NOP56: variants seen among roughly 807,000 people sequenced by gnomAD.
NOP56 encodes the protein nucleolar protein 56.
Under a neutral mutation model 58.3 loss-of-function variants are expected in NOP56, and 31 were observed. The observed-to-expected ratio is 0.53, with a 90% confidence interval of 0.40 to 0.72. The LOEUF (loss-of-function observed/expected upper bound fraction) is 0.72, where lower values mean the gene tolerates loss of function less well. NOP56 is among the 30% of genes least tolerant of loss of function. The pLI, the probability that NOP56 is intolerant of heterozygous loss-of-function variation, is 0.00. For synonymous variants in NOP56, 313 were observed against 282.8 expected (o/e 1.11, Z -1.07); for missense variants, 669 against 739.9 (o/e 0.90, Z 1.11).
At position 2,658,130 on chromosome 20, in the gene NOP56, G is replaced by A; in HGVS notation, c.1621G>A (p.Glu541Lys). The change falls in exon 12 of 12, where the codon GAG becomes AAG. Residue 541 changes from glutamate (E) to lysine (K), a missense_variant. Physicochemically the swap from Glu to Lys is moderately conservative, Grantham distance 56 (BLOSUM62 1). Coordinates refer to ENST00000329276, the MANE Select transcript of NOP56 (RefSeq NM_006392.4). Reference sequence around the variant, plus strand: ...CAAGAGGAAGAAGTCTACACCCAAGGAGGAAACAGTTAATGACCCTGAGGA... The same window carrying A: ...CAAGAGGAAGAAGTCTACACCCAAGAAGGAAACAGTTAATGACCCTGAGGA... ...IPKRKKSTPK[E>K]ETVNDPEEAG... is the part of the protein sequence containing the mutation. 6.2e-7 allele frequency: 1 copy of A among 1,614,088 alleles called. No homozygotes were observed. The highest frequency in any genetic ancestry group is 1.6e-4 in the Middle Eastern group (1 of 6,062).
Position 2,653,271 on chromosome 20 carries a change from C to A in NOP56, c.94-8C>A, listed in dbSNP as rs752982973. ...GAAGGAAACCACTTAGCCTCTTTCT[C>A]CCCCCAGGTGGAGGAGTCTGTGCTC... is the stretch of plus-strand genomic sequence containing the variant. On this transcript the variant is annotated splice_polypyrimidine_tract_variant and splice_region_variant and intron_variant, in intron 2 of 11. Transcript: ENST00000329276. 3.1e-6 allele frequency: 5 copies of A among 1,605,944 alleles called. No individual in the cohort carries two copies. The highest frequency in any genetic ancestry group is 4.3e-6 in the Non-Finnish European group (5 of 1,172,592).
At position 2,656,770 on chromosome 20, in the gene NOP56, C is replaced by G; in HGVS notation, c.1160-4C>G. The G allele has an allele frequency of 6.2e-7, 1 of 1,614,092 alleles. No homozygotes were observed. Among genetic ancestry groups the G allele is most frequent in the Non-Finnish European group, 8.5e-7 (1 of 1,180,014 alleles). On this transcript the variant is annotated splice_region_variant and splice_polypyrimidine_tract_variant and intron_variant, in intron 9 of 11. Coordinates refer to ENST00000329276, the MANE Select transcript of NOP56 (RefSeq NM_006392.4). ...GACAGGCTTTGTCACCCACACACATCCAGAGGTGCCCACGAGTGTATTCGG... is the reference window on the plus strand; with the variant it reads ...GACAGGCTTTGTCACCCACACACATGCAGAGGTGCCCACGAGTGTATTCGG...
At position 2,656,567 on chromosome 20, in the gene NOP56, T is replaced by C. The variant is rs770401052; in HGVS notation, c.1159+18T>C. The C allele has an allele frequency of 9.9e-6, 16 of 1,613,086 alleles. No individual in the cohort carries two copies. The highest frequency in any genetic ancestry group is 1.3e-5 in the Non-Finnish European group (15 of 1,179,930). ...CTTCTCTGGTATGGGTGGGGGGGCG[T>C]TGGCAGGTGTGAGAAGGGGCTGGGT... is the stretch of plus-strand genomic sequence containing the variant. On this transcript the variant is annotated intron_variant, in intron 9 of 11. Coordinates refer to ENST00000329276, the MANE Select transcript of NOP56 (RefSeq NM_006392.4).
At chr20:2,653,480 T>G in intron 3 of NOP56, 87 bp downstream of exon 3, 1 of 1,066,146 alleles carries the variant, frequency 9.4e-7, no homozygotes, top group Non-Finnish European at 1.5e-6. Flanking sequence ...TTGCCGTCCT[T>G]GGCTGGCTCT....
intron 6 of NOP56, 36 bp downstream of exon 6, chr20:2,655,548 G>A: frequency 6.2e-7 from 1 of 1,614,078 alleles, no homozygotes; most frequent in Non-Finnish European, 8.5e-7. Context: ...ATAAGGTATG[G>A]GGCTCTAAAT....
At position 2,658,195 on chromosome 20, in the gene NOP56, C is replaced by T. The variant is rs1600163305; in HGVS notation, c.1686C>T (p.Phe562=). 3 of 1,608,576 alleles carry T rather than the reference C, an allele frequency of 1.9e-6. No homozygotes were observed. In the East Asian group the frequency reaches 6.7e-5, roughly 36 times the overall value. Residue 562 remains phenylalanine (F), a synonymous_variant, in exon 12 of 12, where the codon TTC becomes TTT. Transcript: ENST00000329276. ...GTGGCTCCAAGAAAAAGAGGAAATT[C>T]TCCAAAGAGGAGCCGGTCAGCAGTG... ...HRSGSKKKRK[F]SKEEPVSSGP... is the part of the protein sequence containing the mutation.
chr20:2,653,878 C>T (rs1225153937), intron 3 of NOP56: 1 of 311,684 alleles, frequency 3.2e-6, no homozygotes, highest in Non-Finnish European at 6.4e-6. Context: ...TAGTCTCCAT[C>T]TCCTGACCTC....
rs73611742 is a variant in NOP56 at position 2,654,273 on chromosome 20, A to G, written c.209-141A>G. 679 of 874,202 alleles carry G rather than the reference A, an allele frequency of 7.8e-4. 4 individuals carry two copies. In the East Asian group the frequency reaches 0.014, roughly 18 times the overall value. 54.2% of individuals were successfully genotyped at this position (874,202 alleles called of 1,614,324 possible). On this transcript the variant is annotated intron_variant, in intron 3 of 11. Coordinates refer to ENST00000329276, the MANE Select transcript of NOP56 (RefSeq NM_006392.4). Reference sequence around the variant, plus strand: ...CCTGAGTGCAATCACTGATGTCTCCATGTCTCTGAGCAATGCCTGATGGGG... The same window carrying G: ...CCTGAGTGCAATCACTGATGTCTCCGTGTCTCTGAGCAATGCCTGATGGGG...
chr20:2,656,335 C>T, intron 8 of NOP56, 66 bp from the exon 9 acceptor site: 6 of 1,608,308 alleles, frequency 3.7e-6, no homozygotes, highest in Non-Finnish European at 5.1e-6. Context: ...AGGGGAGGAG[C>T]TGAGCTGCCT....
chr20:2,653,412 A>G lies in NOP56; in HGVS notation c.208+19A>G, dbSNP rs1600155207. ...TCTGAAGGTAAGTCGGCCACCGCCA[A>G]GTGTCACAGAGAGATGTGGTTCCTT... On this transcript the variant is annotated intron_variant, in intron 3 of 11. Transcript: ENST00000329276. The G allele has an allele frequency of 6.3e-7, 1 of 1,589,636 alleles. No individual in the cohort carries two copies.
In NOP56 at chr20:2,656,559, G is replaced by T. The variant is rs373547756; in HGVS notation, c.1159+10G>T. On this transcript the variant is annotated intron_variant, in intron 9 of 11. Coordinates refer to ENST00000329276, the MANE Select transcript of NOP56 (RefSeq NM_006392.4). ...ATCGATTGCTTCTCTGGTATGGGTG[G>T]GGGGGCGTTGGCAGGTGTGAGAAGG... 6 of 1,613,538 alleles carry T rather than the reference G, an allele frequency of 3.7e-6. No individual in the cohort carries two copies. Among genetic ancestry groups the T allele is most frequent in the Admixed American group, 3.3e-5 (2 of 60,016 alleles).
chr20:2,652,997 A>C (rs2086769973), intron 2 of NOP56, 66 bp downstream of exon 2: 1 of 1,411,858 alleles, frequency 7.1e-7, no homozygotes, highest in Non-Finnish European at 9.6e-7. Context: ...CCCAGCATGC[A>C]CAGCGCGCTC....
In NOP56 at chr20:2,654,551, G is replaced by A. The variant is rs889793082; in HGVS notation, c.346G>A (p.Gly116Arg). The A allele has an allele frequency of 6.2e-7, 1 of 1,614,204 alleles. No individual in the cohort carries two copies. Among genetic ancestry groups the A allele is most frequent in the Non-Finnish European group, 8.5e-7 (1 of 1,180,036 alleles). ...GTTAGGGTACAACTGCCAGACTGGA[G>A]GAGTCATAGCTGAGATCCTGCGAGG... ...EELGYNCQTG[G>R]VIAEILRGVR... is the part of the protein sequence containing the mutation. The change falls in exon 4 of 12, where the codon GGA becomes AGA. Residue 116 changes from glycine (G) to arginine (R), a missense_variant. Physicochemically the swap from Gly to Arg is moderately radical, Grantham distance 125. Transcript: ENST00000329276.
chr20:2,652,875 G>C lies in NOP56; in HGVS notation c.37G>C (p.Gly13Arg). The C allele has an allele frequency of 6.2e-7, 1 of 1,611,400 alleles. No homozygotes were observed. Among genetic ancestry groups the C allele is most frequent in the Non-Finnish European group, 8.5e-7 (1 of 1,179,176 alleles). Residue 13 changes from glycine (G) to arginine (R), a missense_variant, in exon 2 of 12, where the codon GGC (glycine) becomes CGC (arginine). By Grantham distance (125) the Gly-to-Arg change is moderately radical. This residue lies in a region of NOP56 where 121 missense variants were observed against 113.1 expected (regional missense o/e 1.07). Coordinates refer to ENST00000329276, the MANE Select transcript of NOP56 (RefSeq NM_006392.4). Reference sequence around the variant, plus strand: ...GCACGTGCTGTTTGAGCACGCGGTCGGCTACGCGCTGCTGGCGCTGAAGGA... The same window carrying C: ...GCACGTGCTGTTTGAGCACGCGGTCCGCTACGCGCTGCTGGCGCTGAAGGA... ...LLHVLFEHAVGYALLALKEVE... is the reference protein window; with the variant it reads ...LLHVLFEHAVRYALLALKEVE...
At chr20:2,655,174 C>A in intron 5 of NOP56, 151 bp from the exon 6 acceptor site, 1 of 1,136,520 alleles carries the variant, frequency 8.8e-7, no homozygotes, top group Non-Finnish European at 1.3e-6. Flanking sequence ...TGTGCCTGGT[C>A]TGTATTGTGA....
chr20:2,655,564 G>A (rs1454751328), intron 6 of NOP56, 31 bp from the exon 7 acceptor site: 1 of 1,614,110 alleles, frequency 6.2e-7, no homozygotes, highest in Admixed American at 1.7e-5. Flanking sequence ...TAAATAGCTG[G>A]CCTCTTGCAT....
Position 2,658,251 on chromosome 20 carries a change from C to G in NOP56, c.1742C>G (p.Ser581Cys), listed in dbSNP as rs745461760. 16 of 1,596,980 alleles carry G rather than the reference C, an allele frequency of 1.0e-5. No homozygotes were observed. The highest frequency in any genetic ancestry group is 1.4e-5 in the Non-Finnish European group (16 of 1,172,058). Residue 581 changes from serine (S) to cysteine (C), a missense_variant, in exon 12 of 12, where the codon TCC (serine) becomes TGC (cysteine). Ser to Cys is a moderately radical substitution (Grantham distance 112). Transcript: ENST00000329276. ...GPEEAVGKSS[S>C]KKKKKFHKAS... ...GAAGAGGCGGTTGGCAAGAGCAGCT[C>G]CAAGAAGAAGAAAAAGTTCCATAAA...
chr20:2,657,474 A>G (rs2086841187), intron 11 of NOP56: 3 of 686,576 alleles, frequency 4.4e-6, no homozygotes, highest in South Asian at 1.5e-5. Flanking sequence ...GCCTCCCAGG[A>G]GTCCTCAACC....
At position 2,652,917 on chromosome 20, in the gene NOP56, C is replaced by T. The variant is rs116445545; in HGVS notation, c.79C>T (p.Leu27=). The change falls in exon 2 of 12, where the codon CTG becomes TTG. Residue 27 remains leucine, a synonymous_variant. Coordinates refer to ENST00000329276, the MANE Select transcript of NOP56 (RefSeq NM_006392.4). ...LALKEVEEIS[L]LQPQVEESVL... is the part of the protein sequence containing the mutation. ...GCTGAAGGAAGTGGAGGAGATCAGT[C>T]TGCTGCAGCCGCAGGTGGGTGAGAT... 1.3e-3 allele frequency: 2,053 copies of T among 1,604,794 alleles called. 23 individuals are homozygous for T. The African/African-American group carries it at 0.022, about 18-fold the overall frequency.
Sources: allele counts gnomAD v4.1 joint callset, GRCh38; gene constraint gnomAD v4.1.1; regional missense constraint gnomAD v4.1.1; transcripts MANE v1.5; gene names NCBI Gene and HGNC (gene_info 2026-07-23, HGNC 2026-07-21).